The following NSD1 variants were observed in gnomAD, a reference collection of about 807,000 sequenced individuals.
NSD1 encodes histone-lysine N-methyltransferase, H3 lysine-36 specific.
In NSD1, 26 loss-of-function variants were observed where a neutral mutation model predicts 242.7. The ratio of observed to expected loss-of-function variants is 0.11; its 90% CI spans 0.08 to 0.15. The LOEUF is 0.15. Among genes scored for constraint, NSD1 ranks in the 10% least tolerant of loss-of-function variants. The pLI is 1.00. For missense variants in NSD1, 2,495 were observed against 3,272.8 expected (o/e 0.76, Z 5.80); for synonymous variants, 1,106 against 1,178.1 (o/e 0.94, Z 1.25).
At chr5:177,183,863 C>T (rs1760892875) in intron 2 of NSD1, among the ~76,000 whole-genome samples, 1 of 152,050 alleles carries the variant, frequency 6.6e-6, no homozygotes, top group South Asian at 2.1e-4. Flanking sequence ...ATTTTTAGTT[C>T]CCACTAATAA....
intron 2 of NSD1, among the ~76,000 whole-genome samples, chr5:177,185,486 T>TG (rs1761031795): frequency 1.3e-5 from 2 of 150,566 alleles, no homozygotes; most frequent in African/African-American, 2.4e-5. Context: ...TAATCCCAGC[T>TG]ACTCGGGAGG....
chr5:177,256,096 C>T (rs915428200), intron 12 of NSD1, among the ~76,000 whole-genome samples: 4 of 152,018 alleles, frequency 2.6e-5, no homozygotes, highest in Admixed American at 2.6e-4. Flanking sequence ...TCATTTGTCT[C>T]AGGGATGTCT....
Position 177,229,479 on chromosome 5 carries a change from G to A in NSD1, c.3797-6342G>A, listed in dbSNP as rs527571107. ...ATTACTCCTCTTTCCATTGACTTGT[G>A]CAGTTTTATGGATTTTGATATTTTC... On this transcript the variant is annotated intron_variant, in intron 5 of 22. Transcript: ENST00000439151. Among the ~76,000 whole-genome samples, 4 of 152,252 alleles carry A rather than the reference G, an allele frequency of 2.6e-5. No homozygotes were observed. The South Asian group carries it at 8.3e-4, about 32-fold the overall frequency.
intron 20 of NSD1, among the ~76,000 whole-genome samples, chr5:177,286,146 GCCACC>G (rs1759308728): frequency 2.0e-5 from 3 of 152,288 alleles, no homozygotes; most frequent in African/African-American, 7.2e-5. Context: ...ACAGGCATGA[GCCACC>G]GCGCCCGGCC....
At chr5:177,234,340 G>T (rs900963669) in intron 5 of NSD1, among the ~76,000 whole-genome samples, 7 of 152,264 alleles carry the variant, frequency 4.6e-5, no homozygotes, top group Admixed American at 3.9e-4. Flanking sequence ...AGATGACATG[G>T]TTAATGTATG....
intron 4 of NSD1, among the ~76,000 whole-genome samples, chr5:177,208,784 C>T (rs1025206351): frequency 6.6e-6 from 1 of 152,016 alleles, no homozygotes; most frequent in Admixed American, 6.6e-5. Context: ...TGATCTCCAA[C>T]TCCCGGGTGC....
chr5:177,133,040 T>TGTGGTGGTGGTG (rs561454196), upstream of NSD1: 1 of 153,310 alleles, frequency 6.5e-6, no homozygotes, highest in African/African-American at 2.4e-5. This position sits in a 1 kb window ranked among gnomAD's most constrained non-coding sequence, Gnocchi z 6.2. Context: ...CAGCTTGGTC[T>TGTGGTGGTGGTG]GTGGTGGTGG....
chr5:177,144,021 A>G (rs1369770981), intron 2 of NSD1, among the ~76,000 whole-genome samples: 1 of 151,914 alleles, frequency 6.6e-6, no homozygotes, highest in Non-Finnish European at 1.5e-5. Flanking sequence ...ACCTCAGGTG[A>G]TCGACCCACC....
chr5:177,155,883 T>C (rs909403901), intron 2 of NSD1, among the ~76,000 whole-genome samples: 1 of 151,016 alleles, frequency 6.6e-6, no homozygotes, highest in Non-Finnish European at 1.5e-5. Flanking sequence ...TTTTTGTAAT[T>C]TTGGTAGAGA....
intron 17 of NSD1, among the ~76,000 whole-genome samples, chr5:177,278,437 TG>T: frequency 6.6e-6 from 1 of 152,088 alleles, no homozygotes; most frequent in Non-Finnish European, 1.5e-5. Context: ...GATAGAAAAA[TG>T]GTTTGATGGC....
intron 6 of NSD1, among the ~76,000 whole-genome samples, chr5:177,236,348 T>C (rs1377543352): frequency 6.6e-6 from 1 of 152,202 alleles, no homozygotes; most frequent in African/African-American, 2.4e-5. Context: ...TACCCCTACA[T>C]AGTTTAATAT....
At chr5:177,178,131 A>G (rs1760358996) in intron 2 of NSD1, among the ~76,000 whole-genome samples, 1 of 152,086 alleles carries the variant, frequency 6.6e-6, no homozygotes, top group South Asian at 2.1e-4. Context: ...TTGGGCCTCA[A>G]GTGATCTGCC....
At chr5:177,237,178 C>G (rs1010461373) in intron 6 of NSD1, among the ~76,000 whole-genome samples, 1 of 152,044 alleles carries the variant, frequency 6.6e-6, no homozygotes, top group African/African-American at 2.4e-5. Flanking sequence ...AGTTGAAGAT[C>G]TTTACCTATA....
intron 2 of NSD1, among the ~76,000 whole-genome samples, chr5:177,138,152 T>C (rs139028992): frequency 7.9e-5 from 12 of 152,112 alleles, no homozygotes; most frequent in Non-Finnish European, 1.8e-4. Context: ...GATAGTAGGT[T>C]ACATGTCTAA....
intron 21 of NSD1, 126 bp from the exon 22 acceptor site, chr5:177,291,828 C>A (rs1759855681): frequency 3.2e-6 from 3 of 934,694 alleles, no homozygotes; most frequent in Admixed American, 4.0e-5. Context: ...ACCTTTCCTG[C>A]ATTTTATCTT....
intron 21 of NSD1, 45 bp downstream of exon 21, chr5:177,288,970 C>T (rs1457261091): frequency 3.8e-6 from 5 of 1,326,072 alleles, no homozygotes; most frequent in Non-Finnish European, 5.5e-6. Context: ...TGGTGCGGTC[C>T]TCCCTCCCTA....
intron 5 of NSD1, among the ~76,000 whole-genome samples, chr5:177,215,000 C>T (rs574063422): frequency 3.9e-5 from 6 of 152,002 alleles, no homozygotes; most frequent in South Asian, 4.2e-4. Flanking sequence ...CACGCCCTGC[C>T]GATAACCTTT....
chr5:177,164,157 T>TC (rs1758981473), intron 2 of NSD1, among the ~76,000 whole-genome samples: 1 of 149,794 alleles, frequency 6.7e-6, no homozygotes, highest in Non-Finnish European at 1.5e-5. Context: ...ACCTTTTTTT[T>TC]TTTTTTTTCT....
At chr5:177,241,629 G>A (rs1765879736) in intron 8 of NSD1, among the ~76,000 whole-genome samples, 1 of 152,074 alleles carries the variant, frequency 6.6e-6, no homozygotes, top group Non-Finnish European at 1.5e-5. Context: ...TTACTTTTGG[G>A]GAGAGGGGGT....
Sources: gnomAD v4.1 joint callset for allele counts (sites outside exome capture counted in the v4.1 genomes callset) on GRCh38, gnomAD v4.1.1 for gene constraint, Gnocchi (gnomAD v3.1) non-coding constraint, MANE v1.5 for transcripts, NCBI Gene and HGNC (gene_info 2026-07-23, HGNC 2026-07-21) for gene names.